Variants in PCDHA12 observed in about 807,000 individuals in gnomAD.
PCDHA12 encodes the protein protocadherin alpha-12.
PCDHA12 carries 44 observed loss-of-function variants against 60.0 expected under a neutral mutation model. The observed-to-expected ratio is 0.73, with a 90% CI of 0.58 to 0.94. The LOEUF is 0.94. PCDHA12 is among the 40% of genes least tolerant of loss of function. PCDHA12 has a pLI of 0.00. For synonymous variants in PCDHA12, 569 were observed against 553.0 expected, an observed-to-expected ratio of 1.03 and a Z score of -0.40; for missense variants, 1,276 against 1,239.7, an observed-to-expected ratio of 1.03 and a Z score of -0.44.
chr5:140,903,049 A>G (rs2069961526), intron 1 of PCDHA12, among the ~76,000 whole-genome samples: 1 of 152,080 alleles, frequency 6.6e-6, no homozygotes, highest in Non-Finnish European at 1.5e-5. Flanking sequence ...TTTTCATGTA[A>G]TGACTTCTTT....
chr5:140,907,034 C>G (rs1554192846), intron 1 of PCDHA12, among the ~76,000 whole-genome samples: 1 of 152,142 alleles, frequency 6.6e-6, no homozygotes, highest in Admixed American at 6.5e-5. Context: ...AACATAATGT[C>G]ACAGGGACAG....
At chr5:140,883,626 C>T (rs782798960) in intron 1 of PCDHA12, 3 of 1,613,850 alleles carry the variant, frequency 1.9e-6, no homozygotes, top group Non-Finnish European at 2.5e-6. Flanking sequence ...GACAACGCGC[C>T]GGCGTTCGCG....
chr5:140,927,917 TC>T (rs1554205257), intron 1 of PCDHA12: 2 of 1,614,182 alleles, frequency 1.2e-6, no homozygotes, highest in Non-Finnish European at 8.5e-7. Flanking sequence ...GAACTGGACT[TC>T]CTGACTCTTT....
At chr5:140,895,922 T>G (rs1301725770) in intron 1 of PCDHA12, among the ~76,000 whole-genome samples, 1 of 152,190 alleles carries the variant, frequency 6.6e-6, no homozygotes, top group African/African-American at 2.4e-5. Context: ...ACAATTATCC[T>G]GCCTCAGCCT....
intron 2 of PCDHA12, chr5:140,982,242 AAAG>A (rs2096973421): frequency 2.9e-6 from 2 of 701,584 alleles, no homozygotes; most frequent in African/African-American, 3.6e-5. Flanking sequence ...GAATTGCCAT[AAAG>A]ATAGAACATG....
chr5:140,967,841 A>G, intron 1 of PCDHA12: 1 of 1,614,114 alleles, frequency 6.2e-7, no homozygotes, highest in Non-Finnish European at 8.5e-7. Flanking sequence ...CGTGGACGTG[A>G]ATGACAATGC....
intron 3 of PCDHA12, among the ~76,000 whole-genome samples, chr5:140,996,776 A>G (rs1554255393): frequency 6.6e-6 from 1 of 152,206 alleles, no homozygotes; most frequent in Non-Finnish European, 1.5e-5. Flanking sequence ...TAAAATGAGT[A>G]GTGCCTCACT....
At position 140,875,966 on chromosome 5, in the gene PCDHA12, ACT is replaced by A. The variant is rs782792514; in HGVS notation, c.499_500del (p.Leu167PhefsTer9). 11 of 1,613,922 alleles carry A rather than the reference ACT, an allele frequency of 6.8e-6. No homozygotes were observed. The highest frequency in any genetic ancestry group is 6.7e-5 in the Admixed American group (4 of 60,008). On this transcript the variant is annotated frameshift_variant, in exon 1 of 4. Transcript: ENST00000398631. LOFTEE classifies it high-confidence loss of function. ...GCTTCTGATGCGGATATCGGCGTAA[ACT>A]CTCTTTTGACCTATGCGTTAAGTCT...
chr5:140,952,923 C>T (rs1554220692), intron 1 of PCDHA12, among the ~76,000 whole-genome samples: 1 of 151,990 alleles, frequency 6.6e-6, no homozygotes, highest in East Asian at 1.9e-4. Context: ...ATGGCATGAG[C>T]AGGAGCAGGA....
rs1554217734 is a variant in PCDHA12, at chr5:140,946,611, A to AATATATATATATATAT, written c.2368-32332_2368-32317dup. Among the ~76,000 whole-genome samples, 269 of 86,770 alleles carry AATATATATATATATAT rather than the reference A, an allele frequency of 3.1e-3. 3 individuals carry two copies. The highest frequency in any genetic ancestry group is 0.011 in the Middle Eastern group (2 of 186). 56.9% of individuals were successfully genotyped at this position (86,770 alleles called of 152,430 possible). A position where few individuals can be genotyped will look rare whatever the true frequency, so the allele number is the denominator to read the frequency against. On this transcript the variant is annotated intron_variant, in intron 1 of 3. Coordinates refer to ENST00000398631, the MANE Select transcript of PCDHA12 (RefSeq NM_018903.4). ...GGATGAATAGATAAAGAAAATGTGAAATATATATATATATATATATACAAT... is the reference window on the plus strand; with the variant it reads ...GGATGAATAGATAAAGAAAATGTGAAATATATATATATATATATATATATATATATATATATACAAT...
At chr5:140,896,071 A>G (rs551803461) in intron 1 of PCDHA12, among the ~76,000 whole-genome samples, 1 of 152,248 alleles carries the variant, frequency 6.6e-6, no homozygotes, top group African/African-American at 2.4e-5. Context: ...TCGGCCTCCC[A>G]ACATGCTGGG....
At chr5:141,009,295 A>T (rs782350734) in intron 3 of PCDHA12, among the ~76,000 whole-genome samples, 13 of 152,030 alleles carry the variant, frequency 8.6e-5, no homozygotes, top group Admixed American at 3.9e-4. Context: ...TTTCTATAAA[A>T]TTTTTTTTAA....
intron 1 of PCDHA12, among the ~76,000 whole-genome samples, chr5:140,888,270 GT>G (rs2061763105): frequency 6.6e-6 from 1 of 152,102 alleles, no homozygotes; most frequent in Non-Finnish European, 1.5e-5. Context: ...ATAAGAAACA[GT>G]TTTGTCCCCT....
At chr5:140,902,895 T>C (rs1554190698) in intron 1 of PCDHA12, among the ~76,000 whole-genome samples, 1 of 152,222 alleles carries the variant, frequency 6.6e-6, no homozygotes, top group Non-Finnish European at 1.5e-5. Flanking sequence ...TATTATTTTA[T>C]TTAGTTTATG....
rs1188351170 is a variant in PCDHA12, at chr5:140,929,610, T to C, written c.2368-49339T>C. 7.3e-6 allele frequency: 3 copies of C among 408,442 alleles called. No individual in the cohort carries two copies. The South Asian group carries it at 4.1e-4, about 55-fold the overall frequency. 25.3% of individuals were successfully genotyped at this position (408,442 alleles called of 1,614,324 possible). On this transcript the variant is annotated intron_variant, in intron 1 of 3. Transcript: ENST00000398631. ...TAAAGGTCTAAAATTAAAAATAAAA[T>C]ACCAAAATATTTTATAAGCAACAGA...
rs908218007 is a variant in PCDHA12 at position 140,929,518 on chromosome 5, T to C, written c.2368-49431T>C. On this transcript the variant is annotated intron_variant, in intron 1 of 3. Transcript: ENST00000398631. ...ATTGCCCTAGGCCTCAAGGGACTTA[T>C]AGTTTATTTTTGAGAAACAAGGGCA... 7 of 753,028 alleles carry C rather than the reference T, an allele frequency of 9.3e-6. No homozygotes were observed. The Admixed American group carries it at 1.2e-4, about 13-fold the overall frequency. The allele number at this position is 753,028 out of a possible 1,614,324, so 46.6% of individuals were successfully genotyped here. A position where few individuals can be genotyped will look rare whatever the true frequency, so the allele number is the denominator to read the frequency against.
intron 1 of PCDHA12, among the ~76,000 whole-genome samples, chr5:140,943,273 A>AG (rs1157586895): frequency 6.7e-6 from 1 of 150,362 alleles, no homozygotes; most frequent in Non-Finnish European, 1.5e-5. Flanking sequence ...AAAAAAAAAA[A>AG]AAAAGAAAGA....
At chr5:141,006,662 G>A (rs1198129323) in intron 3 of PCDHA12, among the ~76,000 whole-genome samples, 1 of 152,192 alleles carries the variant, frequency 6.6e-6, no homozygotes, top group Admixed American at 6.5e-5. Context: ...TCCTGAAAGA[G>A]TGGTGGCAGT....
At chr5:140,983,621 A>G (rs1271083054) in intron 3 of PCDHA12, among the ~76,000 whole-genome samples, 5 of 152,250 alleles carry the variant, frequency 3.3e-5, no homozygotes, top group African/African-American at 1.2e-4. Flanking sequence ...CAGAGAGATT[A>G]AGAAATGTAC....
Sources: gnomAD v4.1 joint callset for allele counts (sites outside exome capture counted in the v4.1 genomes callset) on GRCh38, gnomAD v4.1.1 for gene constraint, MANE v1.5 for transcripts, NCBI Gene and HGNC (gene_info 2026-07-23, HGNC 2026-07-21) for gene names.